Variants in PLXDC2 observed in about 807,000 individuals in gnomAD.
PLXDC2 encodes plexin domain containing 2.
Under a neutral mutation model 68.9 loss-of-function variants are expected in PLXDC2, and 40 were observed. The observed-to-expected ratio is 0.58, with a 90% CI of 0.45 to 0.76. The LOEUF (loss-of-function observed/expected upper bound fraction) is 0.76, where lower values mean the gene tolerates loss of function less well. Ranked by LOEUF, PLXDC2 falls within the 30% of genes least tolerant of loss-of-function variation. PLXDC2 has a pLI of 0.00. For missense variants in PLXDC2, 644 were observed against 661.9 expected (o/e 0.97, Z 0.30); for synonymous variants, 243 against 234.2 (o/e 1.04, Z -0.34).
chr10:20,287,431 A>G lies in PLXDC2; in HGVS notation c.*7612A>G, dbSNP rs7076162. ...GGGCCCAGAGCTGGATTTCTCTGAGATTTGACCATCTCAGGACTCAGACAG... is the reference window on the plus strand; with the variant it reads ...GGGCCCAGAGCTGGATTTCTCTGAGGTTTGACCATCTCAGGACTCAGACAG... On this transcript the variant is annotated 3_prime_UTR_variant, in exon 14 of 14. Coordinates refer to ENST00000377252, the MANE Select transcript of PLXDC2 (RefSeq NM_032812.9). 1 allele frequency: 152,186 copies of G among 152,326 alleles called. 76,023 individuals carry two copies. Among genetic ancestry groups the G allele is most frequent in the Middle Eastern group, 1 (294 of 294 alleles). 9.4% of individuals were successfully genotyped at this position (152,326 alleles called of 1,614,324 possible).
At position 20,116,109 on chromosome 10, in the gene PLXDC2, G is replaced by A. The variant is rs188161863; in HGVS notation, c.542-27186G>A. ...ACAAAAGCTGCATGTTAGGAAACCA[G>A]GTTATCAATCACAAAAGACCTTGCA... On this transcript the variant is annotated intron_variant, in intron 4 of 13. Transcript: ENST00000377252. Among the ~76,000 whole-genome samples the A allele has an allele frequency of 2.0e-4, 30 of 152,312 alleles. 1 individual carries two copies. The East Asian group carries it at 5.8e-3, about 29-fold the overall frequency.
chr10:20,055,352 G>C (rs111430324), intron 3 of PLXDC2, among the ~76,000 whole-genome samples: 194 of 152,246 alleles, frequency 1.3e-3, no homozygotes, highest in African/African-American at 4.5e-3. Context: ...GTTGGGATAA[G>C]TAAATTTAGC....
At chr10:20,002,919 G>C (rs114483255) in intron 2 of PLXDC2, among the ~76,000 whole-genome samples, 172 of 152,244 alleles carry the variant, frequency 1.1e-3, no homozygotes, top group African/African-American at 3.9e-3. Flanking sequence ...ACGTAGGATG[G>C]CTTCCAGTGT....
intron 3 of PLXDC2, among the ~76,000 whole-genome samples, chr10:20,066,527 G>T (rs1247556264): frequency 6.6e-6 from 1 of 152,198 alleles, no homozygotes; most frequent in Non-Finnish European, 1.5e-5. Context: ...ACATCTTTGA[G>T]ATAAATGATC....
intron 4 of PLXDC2, among the ~76,000 whole-genome samples, chr10:20,070,403 A>G (rs1169290918): frequency 6.6e-6 from 1 of 152,240 alleles, no homozygotes; most frequent in African/African-American, 2.4e-5. Flanking sequence ...CAGAGTCAAG[A>G]AACACTGGCT....
At chr10:20,225,895 A>G (rs928002098) in intron 12 of PLXDC2, among the ~76,000 whole-genome samples, 1 of 152,208 alleles carries the variant, frequency 6.6e-6, no homozygotes, top group African/African-American at 2.4e-5. Context: ...AAGAACCCTC[A>G]GAATCACTGT....
At chr10:19,912,871 A>T (rs1325959176) in intron 1 of PLXDC2, among the ~76,000 whole-genome samples, 1 of 152,196 alleles carries the variant, frequency 6.6e-6, no homozygotes. Flanking sequence ...TTTTTAAATT[A>T]CTGGCTATCC....
intron 1 of PLXDC2, among the ~76,000 whole-genome samples, chr10:19,925,993 A>G (rs1833532861): frequency 6.6e-6 from 1 of 152,256 alleles, no homozygotes; most frequent in South Asian, 2.1e-4. Flanking sequence ...CAATGTATCC[A>G]CATGGAGGCA....
At chr10:20,248,177 C>T (rs1307557892) in intron 13 of PLXDC2, among the ~76,000 whole-genome samples, 1 of 152,126 alleles carries the variant, frequency 6.6e-6, no homozygotes, top group Non-Finnish European at 1.5e-5. Context: ...GTATTAGCAG[C>T]AAATTGCATA....
At chr10:20,047,727 C>T (rs113438647) in intron 3 of PLXDC2, among the ~76,000 whole-genome samples, 2,696 of 152,166 alleles carry the variant, frequency 0.018, 78 homozygotes, top group African/African-American at 0.061. Flanking sequence ...ATTAGCTTTT[C>T]CAATCTCCAC....
At chr10:20,026,900 TAC>T (rs1010286065) in intron 2 of PLXDC2, among the ~76,000 whole-genome samples, 1 of 133,194 alleles carries the variant, frequency 7.5e-6, no homozygotes, top group African/African-American at 2.8e-5. Context: ...ATATATAGAA[TAC>T]ACTTTTATAA....
chr10:19,875,421 A>G (rs551224416), intron 1 of PLXDC2, among the ~76,000 whole-genome samples: 9 of 152,332 alleles, frequency 5.9e-5, no homozygotes, highest in Non-Finnish European at 1.0e-4. Flanking sequence ...GATAAAATGG[A>G]ATAAAGTTCA....
chr10:19,972,610 C>G (rs141794775), intron 1 of PLXDC2, among the ~76,000 whole-genome samples: 117 of 152,004 alleles, frequency 7.7e-4, no homozygotes, highest in African/African-American at 2.6e-3. Context: ...AAGAAAAAAA[C>G]AAACCTGCAC....
chr10:20,232,672 C>G (rs371397087), intron 12 of PLXDC2, among the ~76,000 whole-genome samples: 1 of 152,146 alleles, frequency 6.6e-6, no homozygotes, highest in Non-Finnish European at 1.5e-5. Flanking sequence ...CAAGTAAAAT[C>G]AAGCTAATCT....
intron 9 of PLXDC2, among the ~76,000 whole-genome samples, chr10:20,199,525 A>G (rs1319129725): frequency 6.6e-6 from 1 of 151,990 alleles, no homozygotes; most frequent in Non-Finnish European, 1.5e-5. Flanking sequence ...ATCAGAAATG[A>G]CTATTTAAGA....
chr10:19,845,253 A>C (rs7900418), intron 1 of PLXDC2, among the ~76,000 whole-genome samples: 4,621 of 152,218 alleles, frequency 0.03, 225 homozygotes, highest in African/African-American at 0.1. Context: ...AATTGTAATA[A>C]ACGTGTAGGA....
At chr10:20,270,285 T>C (rs1314053672) in intron 13 of PLXDC2, among the ~76,000 whole-genome samples, 1 of 152,132 alleles carries the variant, frequency 6.6e-6, no homozygotes, top group African/African-American at 2.4e-5. Flanking sequence ...AAGGTTTATA[T>C]GTGAAAGGGT....
At chr10:20,062,257 C>G (rs1464826029) in intron 3 of PLXDC2, among the ~76,000 whole-genome samples, 2 of 152,150 alleles carry the variant, frequency 1.3e-5, no homozygotes, top group Non-Finnish European at 2.9e-5. Context: ...AATCCCGTCT[C>G]TACTAAAAAC....
At chr10:20,241,048 T>C (rs1835509212) in intron 12 of PLXDC2, among the ~76,000 whole-genome samples, 1 of 152,324 alleles carries the variant, frequency 6.6e-6, no homozygotes, top group East Asian at 1.9e-4. Context: ...AATGGTTATT[T>C]GGATAGTAAT....
Sources: gnomAD v4.1 joint callset for allele counts (sites outside exome capture counted in the v4.1 genomes callset) on GRCh38, gnomAD v4.1.1 for gene constraint, MANE v1.5 for transcripts, NCBI Gene and HGNC (gene_info 2026-07-23, HGNC 2026-07-21) for gene names.